PIGS: variants seen among roughly 807,000 people sequenced by gnomAD.
The protein encoded by PIGS is phosphatidylinositol glycan anchor biosynthesis class S, also known as GPI-anchor transamidase component PIGS.
Under a neutral mutation model 58.2 loss-of-function variants are expected in PIGS, and 37 were observed. The observed-to-expected ratio is 0.64, with a 90% CI of 0.49 to 0.84. The LOEUF (loss-of-function observed/expected upper bound fraction) is 0.84. PIGS is among the 40% of genes least tolerant of loss of function. The probability of loss-of-function intolerance (pLI) is 0.00; values close to 1 mark genes in which losing one functional copy is unlikely to be tolerated. For synonymous variants in PIGS, 269 were observed against 289.2 expected (o/e 0.93, Z 0.71); for missense variants, 629 against 710.8 (o/e 0.88, Z 1.31).
At chr17:28,556,051 C>T in intron 10 of PIGS, 115 bp downstream of exon 10, 1 of 935,598 alleles carries the variant, frequency 1.1e-6, no homozygotes, top group Non-Finnish European at 1.7e-6. Context: ...CTTGGTTTCC[C>T]TGGGGCTCTA....
chr17:28,554,932 T>C lies in PIGS; in HGVS notation c.1311A>G (p.Thr437=). 6.2e-7 allele frequency: 1 copy of C among 1,613,850 alleles called. No individual in the cohort carries two copies. The highest frequency in any genetic ancestry group is 1.1e-5 in the South Asian group (1 of 91,044). Residue 437 remains threonine, a synonymous_variant, in exon 11 of 12, where the codon ACA becomes ACG. Coordinates refer to ENST00000308360, the MANE Select transcript of PIGS (RefSeq NM_033198.4). ...LWARSVENLA[T]ATTTLTSLAQ... Reference sequence around the variant, plus strand: ...CCAGGGAGGTAAGGGTGGTGGTGGCTGTGGCCAGGTTCTCCACTGACCGAG... The same window carrying C: ...CCAGGGAGGTAAGGGTGGTGGTGGCCGTGGCCAGGTTCTCCACTGACCGAG...
intron 3 of PIGS, among the ~76,000 whole-genome samples, chr17:28,569,264 G>C (rs988171807): frequency 6.6e-6 from 1 of 151,518 alleles, no homozygotes; most frequent in Non-Finnish European, 1.5e-5. Context: ...CCAGGAGCTC[G>C]AGACCAGCCT....
At chr17:28,561,927 G>A (rs2070367071) in intron 5 of PIGS, 1 of 305,970 alleles carries the variant, frequency 3.3e-6, no homozygotes, top group African/African-American at 2.2e-5. Context: ...AGCAAGAAAA[G>A]CGGAATAAAC....
Position 28,556,810 on chromosome 17 carries a change from C to T in PIGS, c.1080+17G>A, listed in dbSNP as rs756061362. The T allele has an allele frequency of 1.2e-6, 2 of 1,611,846 alleles. No individual in the cohort carries two copies. The highest frequency in any genetic ancestry group is 1.3e-5 in the African/African-American group (1 of 74,952). On this transcript the variant is annotated intron_variant, in intron 9 of 11. Coordinates refer to ENST00000308360, the MANE Select transcript of PIGS (RefSeq NM_033198.4). ...CCAGAAGCATGGGCTCTGGGGTCTG[C>T]GTAGTGTGACTATTACCATAATGCC... is the stretch of plus-strand genomic sequence containing the variant.
At chr17:28,565,121 G>C (rs912810043) in intron 3 of PIGS, among the ~76,000 whole-genome samples, 2 of 152,090 alleles carry the variant, frequency 1.3e-5, no homozygotes, top group Non-Finnish European at 2.9e-5. Context: ...AAGAAAATCA[G>C]AGAACCAACT....
chr17:28,554,972 T>A lies in PIGS; in HGVS notation c.1271A>T (p.Asp424Val). The A allele has an allele frequency of 1.2e-6, 2 of 1,611,912 alleles. No homozygotes were observed. The highest frequency in any genetic ancestry group is 1.7e-6 in the Non-Finnish European group (2 of 1,178,750). The change falls in exon 11 of 12, where the codon GAC becomes GTC. Residue 424 changes from aspartate (D) to valine (V), a missense_variant. By Grantham distance (152) the Asp-to-Val change is radical. Coordinates refer to ENST00000308360, the MANE Select transcript of PIGS (RefSeq NM_033198.4). ...TSEGLMTWEL[D>V]RLLWARSVEN... is the part of the protein sequence containing the mutation. ...CACTGACCGAGCCCAGAGCAGCCGG[T>A]CTAGCTCCCAGGTCATTAGCCCTTC... is the stretch of plus-strand genomic sequence containing the variant.
chr17:28,561,420 A>C lies in PIGS; in HGVS notation c.676+2T>G. On this transcript the variant is annotated splice_donor_variant, in intron 6 of 11. Transcript: ENST00000308360. LOFTEE classifies it high-confidence loss of function. ...TTCATGTGGCAGAGCCTGGTGCCCT[A>C]CCCAAGCTGGACTTGAGAGGCCGCC... 6.2e-7 allele frequency: 1 copy of C among 1,613,854 alleles called. No individual in the cohort carries two copies. Among genetic ancestry groups the C allele is most frequent in the Non-Finnish European group, 8.5e-7 (1 of 1,179,852 alleles).
chr17:28,566,299 GT>G (rs1264241398), intron 3 of PIGS, among the ~76,000 whole-genome samples: 5 of 123,736 alleles, frequency 4.0e-5, no homozygotes, highest in Non-Finnish European at 6.9e-5. Context: ...GTTTTTTTGG[GT>G]TTTTTTTTGA....
chr17:28,568,969 C>A (rs936679499), intron 3 of PIGS, among the ~76,000 whole-genome samples: 3 of 151,796 alleles, frequency 2.0e-5, no homozygotes, highest in Non-Finnish European at 4.4e-5. Flanking sequence ...TGGTGGCAGG[C>A]GCCTGTAATC....
In PIGS at chr17:28,571,067, A is replaced by T. The variant is rs745640650; in HGVS notation, c.156T>A (p.Ser52Arg). 1.2e-6 allele frequency: 2 copies of T among 1,613,980 alleles called. No individual in the cohort carries two copies. Residue 52 changes from serine (S) to arginine (R), a missense_variant, in exon 2 of 12, where the codon AGT (serine) becomes AGA (arginine). Transcript: ENST00000308360. ...YRASLPYSQI[S>R]GLNALQLRLM... ...GTCTCACCTGAAGGGCATTCAGGCC[A>T]CTGATCTGGGAGTAAGGCAACGAGG...
intron 3 of PIGS, among the ~76,000 whole-genome samples, chr17:28,569,443 C>A (rs1346581108): frequency 4.0e-5 from 6 of 150,444 alleles, no homozygotes; most frequent in Non-Finnish European, 8.9e-5. Context: ...CCACCATACT[C>A]CAGCCTGGGC....
intron 9 of PIGS, 133 bp from the exon 10 acceptor site, chr17:28,556,399 T>C: frequency 1.3e-6 from 1 of 746,924 alleles, no homozygotes; most frequent in East Asian, 2.6e-5. Context: ...ATAGCTAATA[T>C]TTTTTGAGTA....
At chr17:28,566,593 CTTTTTT>C (rs959977540) in intron 3 of PIGS, among the ~76,000 whole-genome samples, 1 of 131,412 alleles carries the variant, frequency 7.6e-6, no homozygotes, top group African/African-American at 2.8e-5. Flanking sequence ...GCCCAGCCTA[CTTTTTT>C]TTTTTTTTTT....
intron 6 of PIGS, among the ~76,000 whole-genome samples, chr17:28,561,023 C>T (rs1176405717): frequency 2.6e-5 from 4 of 151,808 alleles, no homozygotes; most frequent in African/African-American, 4.8e-5. Flanking sequence ...TTTGGGAAGC[C>T]GAGGCGGGCA....
In PIGS at chr17:28,553,613, C is replaced by T. The variant is rs1029583455; in HGVS notation, c.*607G>A. The T allele has an allele frequency of 2.0e-5, 3 of 151,548 alleles. No individual in the cohort carries two copies. The highest frequency in any genetic ancestry group is 7.5e-5 in the African/African-American group (3 of 40,206). The allele number at this position is 151,548 out of a possible 1,614,324, so 9.4% of individuals were successfully genotyped here. ...ATTTGAATTCAGGACTGTTTGATTC[C>T]AAATCTGGAACTTTCTGGAACCTCT... On this transcript the variant is annotated 3_prime_UTR_variant, in exon 12 of 12. Transcript: ENST00000308360.
chr17:28,556,252 G>A lies in PIGS; in HGVS notation c.1095C>T (p.Asp365=), dbSNP rs1426703210. 2 of 1,610,640 alleles carry A rather than the reference G, an allele frequency of 1.2e-6. No individual in the cohort carries two copies. The highest frequency in any genetic ancestry group is 1.1e-5 in the South Asian group (1 of 91,014). ...RWGGIMVYNV[D]SKTYNASVLP... The stretch of plus-strand genomic sequence containing the variant: ...GCACTGAGGCATTATAGGTTTTGGA[G>A]TCAACATTATATACCTGAAAGGGGG... The change falls in exon 10 of 12, where the codon GAC becomes GAT. Residue 365 remains aspartate, a synonymous_variant. Transcript: ENST00000308360.
intron 6 of PIGS, 106 bp downstream of exon 6, chr17:28,561,316 A>T (rs936864195): frequency 2.9e-5 from 24 of 826,622 alleles, no homozygotes; most frequent in Non-Finnish European, 3.9e-5. Context: ...ATAAGAAAAA[A>T]ATTGAGACTA....
intron 3 of PIGS, among the ~76,000 whole-genome samples, chr17:28,570,268 T>C (rs1319491058): frequency 1.3e-5 from 2 of 152,218 alleles, no homozygotes; most frequent in Non-Finnish European, 2.9e-5. Flanking sequence ...CCCAACACTT[T>C]GGGAGGCTGA....
At position 28,563,436 on chromosome 17, in the gene PIGS, G is replaced by C; in HGVS notation, c.463C>G (p.Pro155Ala). 6.2e-7 allele frequency: 1 copy of C among 1,613,922 alleles called. No individual in the cohort carries two copies. The highest frequency in any genetic ancestry group is 8.5e-7 in the Non-Finnish European group (1 of 1,179,760). ...YVISEHSSLL[P>A]QDMMSYIGPK... ...CAGCCTCTCTGTTACCTTACCTGGG[G>C]AAGAAGTGAGGAGTGTTCAGATATC... The change falls in exon 5 of 12, where the codon CCC becomes GCC. Residue 155 changes from proline to alanine, a missense_variant. By Grantham distance (27) the Pro-to-Ala change is conservative. Transcript: ENST00000308360.
Sources: gnomAD v4.1 joint callset for allele counts (sites outside exome capture counted in the v4.1 genomes callset) on GRCh38, gnomAD v4.1.1 for gene constraint, MANE v1.5 for transcripts, NCBI Gene and HGNC (gene_info 2026-07-23, HGNC 2026-07-21) for gene names.